The following PDZRN3 variants were observed in gnomAD, a reference collection of about 807,000 sequenced individuals.
PDZRN3 encodes PDZ domain containing ring finger 3, also known as E3 ubiquitin-protein ligase PDZRN3.
A neutral mutation model predicts 85.7 loss-of-function variants in PDZRN3; 38 were observed. The ratio of observed to expected loss-of-function variants is 0.44; its 90% CI spans 0.34 to 0.58. The LOEUF (loss-of-function observed/expected upper bound fraction) is 0.58. Among genes scored for constraint, PDZRN3 ranks in the 20% least tolerant of loss-of-function variants. The probability of loss-of-function intolerance (pLI) is 0.01; values close to 1 mark genes in which losing one functional copy is unlikely to be tolerated. For synonymous variants in PDZRN3, 759 were observed against 638.0 expected, an observed-to-expected ratio of 1.19 and a Z score of -2.86; for missense variants, 1,629 against 1,506.4, an observed-to-expected ratio of 1.08 and a Z score of -1.35.
At chr3:73,466,076 T>TG (rs1703206353) in intron 3 of PDZRN3, among the ~76,000 whole-genome samples, 1 of 152,174 alleles carries the variant, frequency 6.6e-6, no homozygotes, top group South Asian at 2.1e-4. Context: ...AAAAGGCAAC[T>TG]GGGGGCTCTC....
In PDZRN3 at chr3:73,384,533, G is replaced by C. The variant is rs376582309; in HGVS notation, c.2033C>G (p.Pro678Arg). Residue 678 changes from proline to arginine, a missense_variant, in exon 10 of 10, where the codon CCT (proline) becomes CGT (arginine). By Grantham distance (103) the Pro-to-Arg change is moderately radical (BLOSUM62 -2). Transcript: ENST00000263666. ...SGPLDAGKSD[P>R]ESVDKELELL... ...CTCCAGCTCCTTGTCCACGCTCTCA[G>C]GGTCACTCTTGCCGGCGTCCAGGGG... 2.2e-5 allele frequency: 35 copies of C among 1,613,768 alleles called. No individual in the cohort carries two copies. In the South Asian group the frequency reaches 3.3e-4, roughly 15 times the overall value.
At chr3:73,424,127 CAGAG>C (rs1702258869) in intron 3 of PDZRN3, among the ~76,000 whole-genome samples, 1 of 151,922 alleles carries the variant, frequency 6.6e-6, no homozygotes, top group South Asian at 2.1e-4. Flanking sequence ...CTTTCTGACT[CAGAG>C]AGAGAAAACA....
Position 73,384,288 on chromosome 3 carries a change from T to C in PDZRN3, c.2278A>G (p.Thr760Ala). The change falls in exon 10 of 10, where the codon ACA (threonine) becomes GCA (alanine). Residue 760 changes from threonine to alanine, a missense_variant. Thr to Ala is a moderately conservative substitution (Grantham distance 58). Coordinates refer to ENST00000263666, the MANE Select transcript of PDZRN3 (RefSeq NM_015009.3). Reference sequence around the variant, plus strand: ...GGGGTGCTGCGGCAGCTCTCGCCTGTGTTGTAGGCGCTCGAGCTGTCCTTG... The same window carrying C: ...GGGGTGCTGCGGCAGCTCTCGCCTGCGTTGTAGGCGCTCGAGCTGTCCTTG... ...SDKDSSSAYN[T>A]GESCRSTPLT... 1 of 1,612,880 alleles carries C rather than the reference T, an allele frequency of 6.2e-7. No homozygotes were observed. Among genetic ancestry groups the C allele is most frequent in the Non-Finnish European group, 8.5e-7 (1 of 1,179,942 alleles).
At chr3:73,483,716 A>G (rs1703610587) in intron 3 of PDZRN3, among the ~76,000 whole-genome samples, 1 of 152,216 alleles carries the variant, frequency 6.6e-6, no homozygotes. Flanking sequence ...CATACCAGGA[A>G]GGGTAGCCCA....
intron 3 of PDZRN3, among the ~76,000 whole-genome samples, chr3:73,535,950 A>G (rs908335796): frequency 3.9e-5 from 6 of 152,266 alleles, no homozygotes; most frequent in Admixed American, 1.3e-4. Context: ...GTTTCTCTGT[A>G]ATTATATATT....
intron 3 of PDZRN3, among the ~76,000 whole-genome samples, chr3:73,446,195 G>A (rs1702744878): frequency 6.6e-6 from 1 of 152,016 alleles, no homozygotes; most frequent in Non-Finnish European, 1.5e-5. Flanking sequence ...TCAGCACTCT[G>A]AGTTCTGCCC....
intron 2 of PDZRN3, 146 bp from the exon 3 acceptor site, chr3:73,602,607 T>C: frequency 1.7e-6 from 1 of 581,946 alleles, no homozygotes; most frequent in South Asian, 2.2e-5. Context: ...CTAATTTCTG[T>C]TTTAAACTAA....
At chr3:73,416,938 C>CGGGA (rs1226074494) in intron 3 of PDZRN3, among the ~76,000 whole-genome samples, 17 of 129,528 alleles carry the variant, frequency 1.3e-4, no homozygotes, top group African/African-American at 5.0e-4. Flanking sequence ...ATCACCCAGG[C>CGGGA]GGGAGTGCAG....
chr3:73,462,048 CCATAT>C (rs1703115031), intron 3 of PDZRN3, among the ~76,000 whole-genome samples: 3 of 152,158 alleles, frequency 2.0e-5, no homozygotes, highest in South Asian at 2.1e-4. Context: ...CACATTGATA[CCATAT>C]ATCATTTTTG....
chr3:73,478,842 A>T (rs1339639751), intron 3 of PDZRN3, among the ~76,000 whole-genome samples: 1 of 152,252 alleles, frequency 6.6e-6, no homozygotes, highest in Non-Finnish European at 1.5e-5. Context: ...GTTATAACCC[A>T]CAAGAGATTA....
intron 3 of PDZRN3, chr3:73,561,650 T>C (rs576752140): frequency 1.3e-5 from 2 of 152,196 alleles, no homozygotes; most frequent in South Asian, 4.1e-4. Flanking sequence ...TGTTGAAAAA[T>C]GATGCACTCA....
At chr3:73,536,906 G>T (rs1390159632) in intron 3 of PDZRN3, among the ~76,000 whole-genome samples, 2 of 152,142 alleles carry the variant, frequency 1.3e-5, no homozygotes, top group Non-Finnish European at 2.9e-5. Flanking sequence ...TATTGCAAGA[G>T]TTGTTTTCGT....
intron 3 of PDZRN3, among the ~76,000 whole-genome samples, chr3:73,551,722 CAT>C (rs1461100341): frequency 2.1e-5 from 3 of 145,734 alleles, no homozygotes; most frequent in African/African-American, 7.6e-5. Flanking sequence ...AAAAAAGAAA[CAT>C]ATAATTATTT....
intron 3 of PDZRN3, among the ~76,000 whole-genome samples, chr3:73,555,163 G>A (rs2106815585): frequency 6.6e-6 from 1 of 152,046 alleles, no homozygotes; most frequent in South Asian, 2.1e-4. Flanking sequence ...TTTTCTTTCA[G>A]AGAGGATGAT....
intron 3 of PDZRN3, among the ~76,000 whole-genome samples, chr3:73,562,295 T>A (rs1701835113): frequency 6.6e-6 from 1 of 152,020 alleles, no homozygotes; most frequent in African/African-American, 2.4e-5. Context: ...ATAAAAGAAA[T>A]CTAGTAGGTA....
intron 3 of PDZRN3, among the ~76,000 whole-genome samples, chr3:73,535,592 C>T (rs144394801): frequency 5.9e-5 from 9 of 152,306 alleles, no homozygotes; most frequent in South Asian, 2.1e-4. Flanking sequence ...CACAGAGCTG[C>T]CTTTTTGGGG....
At chr3:73,581,590 T>C (rs955817120) in intron 3 of PDZRN3, among the ~76,000 whole-genome samples, 1 of 152,138 alleles carries the variant, frequency 6.6e-6, no homozygotes, top group Non-Finnish European at 1.5e-5. Context: ...CAGTACTGCT[T>C]GTAGGTCCAA....
intron 3 of PDZRN3, among the ~76,000 whole-genome samples, chr3:73,580,337 G>A (rs780089941): frequency 1.3e-5 from 2 of 152,124 alleles, no homozygotes; most frequent in South Asian, 2.1e-4. Flanking sequence ...AGATCCTTAT[G>A]GGGTTCTGTC....
At chr3:73,460,097 A>G (rs2106863109) in intron 3 of PDZRN3, among the ~76,000 whole-genome samples, 1 of 152,320 alleles carries the variant, frequency 6.6e-6, no homozygotes, top group Middle Eastern at 3.4e-3. Context: ...ATAATGTATC[A>G]TCTTTACCAT....
Sources: allele counts gnomAD v4.1 joint callset (sites outside exome capture counted in the v4.1 genomes callset), GRCh38; gene constraint gnomAD v4.1.1; transcripts MANE v1.5; gene names NCBI Gene and HGNC (gene_info 2026-07-23, HGNC 2026-07-21).